The following MECOM variants were observed in gnomAD, a reference collection of about 807,000 sequenced individuals.
The protein encoded by MECOM is MDS1 and EVI1 complex locus.
In MECOM, 13 loss-of-function variants were observed where a neutral mutation model predicts 116.3. The observed-to-expected ratio is 0.11, with a 90% CI of 0.07 to 0.18. The LOEUF is 0.18. Among genes scored for constraint, MECOM ranks in the 10% least tolerant of loss-of-function variants. The pLI, the probability that MECOM is intolerant of heterozygous loss-of-function variation, is 1.00. For missense variants in MECOM, 1,299 were observed against 1,509.0 expected (o/e 0.86, Z 2.31); for synonymous variants, 528 against 535.2 (o/e 0.99, Z 0.19).
At chr3:169,134,053 G>C (rs1336245526) in intron 3 of MECOM, 17 of 754,608 alleles carry the variant, frequency 2.3e-5, no homozygotes, top group Non-Finnish European at 3.3e-5. Flanking sequence ...CTACAAGACA[G>C]TAAAACAGTG....
rs763644174 is a variant in MECOM at position 169,191,388 on chromosome 3, G to T, written c.376-47556C>A. Among the ~76,000 whole-genome samples, 11 of 151,900 alleles carry T rather than the reference G, an allele frequency of 7.2e-5. 1 individual carries two copies. In the Middle Eastern group the frequency reaches 0.014, roughly 188 times the overall value. On this transcript the variant is annotated intron_variant, in intron 2 of 16. Coordinates refer to ENST00000651503, the MANE Select transcript of MECOM (RefSeq NM_004991.4). Reference sequence around the variant, plus strand: ...GGGGGTGAAGGAAGAGGACCAAGAGGGTATATATAAAACTTCCCAGATGAA... The same window carrying T: ...GGGGGTGAAGGAAGAGGACCAAGAGTGTATATATAAAACTTCCCAGATGAA...
chr3:169,380,890 G>A (rs1270615738), intron 2 of MECOM, among the ~76,000 whole-genome samples: 1 of 152,106 alleles, frequency 6.6e-6, no homozygotes, highest in Non-Finnish European at 1.5e-5. Flanking sequence ...GCTACACATG[G>A]TCATAGCCAA....
chr3:169,122,453 G>C lies in MECOM; in HGVS notation c.978+127C>G, dbSNP rs553334460. 8.0e-5 allele frequency: 83 copies of C among 1,040,870 alleles called. 2 individuals carry two copies. The African/African-American group carries it at 1.2e-3, about 15-fold the overall frequency. The allele number at this position is 1,040,870 out of a possible 1,614,324, so 64.5% of individuals were successfully genotyped here. On this transcript the variant is annotated intron_variant, in intron 6 of 16. Transcript: ENST00000651503. ...AATGCCTTTTAGCATACAACACTCA[G>C]TGTACTTTTCTCAAGATATTTATAG...
chr3:169,360,319 C>CAAAAAAAA, intron 2 of MECOM, among the ~76,000 whole-genome samples: 258 of 87,826 alleles, frequency 2.9e-3, no homozygotes, highest in East Asian at 5.3e-3. Flanking sequence ...AAAGTTACAC[C>CAAAAAAAA]AAAAAAAAAA....
At chr3:169,473,429 C>T (rs1223692818) in intron 1 of MECOM, among the ~76,000 whole-genome samples, 4 of 152,180 alleles carry the variant, frequency 2.6e-5, no homozygotes, top group African/African-American at 9.7e-5. Context: ...TAAGAAGTCA[C>T]TACTTTCTTG....
chr3:169,423,471 G>A lies in MECOM; in HGVS notation c.38-41947C>T, dbSNP rs536630951. Reference sequence around the variant, plus strand: ...GAAAGGGGAAACTGATTATTTGTAAGGGGAAACTGTATAGAATTCCTTGCA... The same window carrying A: ...GAAAGGGGAAACTGATTATTTGTAAAGGGAAACTGTATAGAATTCCTTGCA... On this transcript the variant is annotated intron_variant, in intron 1 of 16. Transcript: ENST00000651503. Among the ~76,000 whole-genome samples the A allele has an allele frequency of 7.9e-5, 12 of 152,182 alleles. No individual in the cohort carries two copies. The South Asian group carries it at 2.3e-3, about 29-fold the overall frequency.
chr3:169,553,140 T>C (rs1761604539), intron 1 of MECOM, among the ~76,000 whole-genome samples: 1 of 152,112 alleles, frequency 6.6e-6, no homozygotes, highest in African/African-American at 2.4e-5. Flanking sequence ...TACATGATTT[T>C]TTTCCTGAAA....
chr3:169,187,651 C>T (rs994907186), intron 2 of MECOM, among the ~76,000 whole-genome samples: 3 of 151,950 alleles, frequency 2.0e-5, no homozygotes, highest in Non-Finnish European at 4.4e-5. Context: ...CAAGTTCTGT[C>T]GTAAACAGTA....
intron 1 of MECOM, among the ~76,000 whole-genome samples, chr3:169,382,742 A>T (rs573852403): frequency 4.8e-4 from 72 of 151,342 alleles, no homozygotes; most frequent in Non-Finnish European, 8.5e-4. Flanking sequence ...AGTCCCAGCC[A>T]CTTGAGAGGC....
At chr3:169,259,538 C>G (rs1463874329) in intron 2 of MECOM, among the ~76,000 whole-genome samples, 2 of 152,072 alleles carry the variant, frequency 1.3e-5, no homozygotes, top group African/African-American at 4.8e-5. Flanking sequence ...GCCTGGGCAA[C>G]ATAGCAAGAC....
At chr3:169,359,687 A>G (rs1727873414) in intron 2 of MECOM, among the ~76,000 whole-genome samples, 2 of 151,800 alleles carry the variant, frequency 1.3e-5, no homozygotes, top group Admixed American at 6.6e-5. Flanking sequence ...ATGCTTTGGA[A>G]GATACAAGCA....
intron 1 of MECOM, among the ~76,000 whole-genome samples, chr3:169,437,578 A>T (rs1742875001): frequency 6.6e-6 from 1 of 152,184 alleles, no homozygotes. Context: ...AACTTTTTGG[A>T]ATGTAATTCT....
At chr3:169,193,377 GA>G (rs1747974521) in intron 2 of MECOM, among the ~76,000 whole-genome samples, 1 of 151,996 alleles carries the variant, frequency 6.6e-6, no homozygotes. Flanking sequence ...AACATCACTG[GA>G]ATTCGGAGTG....
At chr3:169,489,091 A>G (rs892450879) in intron 1 of MECOM, among the ~76,000 whole-genome samples, 5 of 152,154 alleles carry the variant, frequency 3.3e-5, no homozygotes, top group African/African-American at 1.2e-4. Flanking sequence ...TAGATAGACT[A>G]CTATGAACAA....
At chr3:169,295,506 A>G (rs1452210938) in intron 2 of MECOM, among the ~76,000 whole-genome samples, 1 of 152,244 alleles carries the variant, frequency 6.6e-6, no homozygotes, top group East Asian at 1.9e-4. Flanking sequence ...TTCAAAGTTG[A>G]GATTTTTATA....
chr3:169,099,157 G>A lies in MECOM; in HGVS notation c.2849+1728C>T, dbSNP rs1722737283. On this transcript the variant is annotated intron_variant, in intron 12 of 16. Transcript: ENST00000651503. ...CCAGAGGGGCTGGACAAATAATTGT[G>A]TAAGCTCTCCAGCTATACCAAAATG... Among the ~76,000 whole-genome samples the A allele has an allele frequency of 3.3e-5, 5 of 149,396 alleles. No individual in the cohort carries two copies. The South Asian group carries it at 1.1e-3, about 31-fold the overall frequency.
intron 2 of MECOM, among the ~76,000 whole-genome samples, chr3:169,233,940 T>C (rs1753715568): frequency 6.6e-6 from 1 of 152,148 alleles, no homozygotes; most frequent in Admixed American, 6.6e-5. Flanking sequence ...TGAATTACCT[T>C]TCCATAACCA....
intron 1 of MECOM, among the ~76,000 whole-genome samples, chr3:169,595,995 TTC>T (rs1257215790): frequency 1.3e-5 from 2 of 152,214 alleles, no homozygotes; most frequent in African/African-American, 4.8e-5. Context: ...GTTTATATTT[TTC>T]TGTTTTGAAA....
At chr3:169,442,793 C>T (rs1002606660) in intron 1 of MECOM, among the ~76,000 whole-genome samples, 1 of 152,196 alleles carries the variant, frequency 6.6e-6, no homozygotes, top group African/African-American at 2.4e-5. Context: ...GGAAACACCA[C>T]CATCGATGAG....
Sources: gnomAD v4.1 joint callset for allele counts (sites outside exome capture counted in the v4.1 genomes callset) on GRCh38, gnomAD v4.1.1 for gene constraint, MANE v1.5 for transcripts, NCBI Gene and HGNC (gene_info 2026-07-23, HGNC 2026-07-21) for gene names.